Variants in C5orf22 observed in about 807,000 individuals in gnomAD.
C5orf22 encodes chromosome 5 open reading frame 22.
A neutral mutation model predicts 48.7 loss-of-function variants in C5orf22; 36 were observed. The ratio of observed to expected loss-of-function variants is 0.74; its 90% CI spans 0.57 to 0.98. C5orf22 has a LOEUF of 0.98. Ranked by LOEUF, C5orf22 falls within the 50% of genes least tolerant of loss-of-function variation. The pLI is 0.00. For synonymous variants in C5orf22, 141 were observed against 180.8 expected (o/e 0.78, Z 1.76); for missense variants, 486 against 521.9 (o/e 0.93, Z 0.67).
chr5:31,543,817 A>T (rs1742628522), intron 6 of C5orf22, among the ~76,000 whole-genome samples: 1 of 152,164 alleles, frequency 6.6e-6, no homozygotes, highest in African/African-American at 2.4e-5. Context: ...CAGCCCACAG[A>T]CTTCCACTGA....
intron 5 of C5orf22, 120 bp from the exon 6 acceptor site, chr5:31,541,159 GCC>G: frequency 9.4e-7 from 1 of 1,062,916 alleles, no homozygotes; most frequent in South Asian, 1.5e-5. Flanking sequence ...TATTGGCGAA[GCC>G]CATGGTTAGT....
At chr5:31,547,953 T>C (rs1441100030) in intron 7 of C5orf22, among the ~76,000 whole-genome samples, 2 of 152,218 alleles carry the variant, frequency 1.3e-5, no homozygotes, top group Non-Finnish European at 2.9e-5. Context: ...TTCTTTTCTT[T>C]AACATTGTCA....
intron 6 of C5orf22, 112 bp from the exon 7 acceptor site, chr5:31,545,534 T>C: frequency 1.3e-6 from 1 of 747,464 alleles, no homozygotes; most frequent in South Asian, 1.6e-5. Flanking sequence ...ATTTCCCAAG[T>C]GCCATATGAA....
In C5orf22 at chr5:31,553,452, C is replaced by T. The variant is rs1426180517; in HGVS notation, c.*550C>T. 1 of 151,202 alleles carries T rather than the reference C, an allele frequency of 6.6e-6. No individual in the cohort carries two copies. The highest frequency in any genetic ancestry group is 1.9e-4 in the East Asian group (1 of 5,176). The allele number at this position is 151,202 out of a possible 1,614,324, so 9.4% of individuals were successfully genotyped here. A position where few individuals can be genotyped will look rare whatever the true frequency, so the allele number is the denominator to read the frequency against. On this transcript the variant is annotated 3_prime_UTR_variant, in exon 9 of 9. Transcript: ENST00000325366. The stretch of plus-strand genomic sequence containing the variant: ...CATGGCTTTATAGGAAAGTAACATT[C>T]TCTATCTTTTTTTTTTTTTTTAATT...
chr5:31,536,853 T>C (rs766912453), intron 3 of C5orf22, among the ~76,000 whole-genome samples: 8 of 152,216 alleles, frequency 5.3e-5, no homozygotes, highest in Non-Finnish European at 1.0e-4. Flanking sequence ...TTAAACAGTA[T>C]AGCCATAACT....
intron 1 of C5orf22, among the ~76,000 whole-genome samples, chr5:31,532,682 A>G (rs17409893): frequency 0.26 from 39,463 of 151,866 alleles, 5,528 homozygotes; most frequent in South Asian, 0.35. Context: ...GAGTCGGGGC[A>G]ACTTATTTAC....
At chr5:31,534,668 G>A (rs1741967017) in intron 2 of C5orf22, 1 of 427,316 alleles carries the variant, frequency 2.3e-6, no homozygotes, top group Non-Finnish European at 4.2e-6. Context: ...TAGTGTGAAA[G>A]CAATCACAAG....
rs1741940376 is a variant in C5orf22 at position 31,534,268 on chromosome 5, A to G, written c.82-4A>G. The G allele has an allele frequency of 6.2e-7, 1 of 1,605,998 alleles. No homozygotes were observed. The highest frequency in any genetic ancestry group is 8.5e-7 in the Non-Finnish European group (1 of 1,177,540). On this transcript the variant is annotated splice_region_variant and splice_polypyrimidine_tract_variant and intron_variant, in intron 1 of 8. Transcript: ENST00000325366. ...TTCTTATTGTGTGCCTGTGTCTTTT[A>G]CAGGTTCTACCCTTTATATACCGGG...
chr5:31,535,981 C>T, intron 3 of C5orf22, 88 bp downstream of exon 3: 2 of 1,316,842 alleles, frequency 1.5e-6, no homozygotes, highest in Non-Finnish European at 2.1e-6. Flanking sequence ...AGTCTCTGCA[C>T]ACAAATAGGG....
rs1561314002 is a variant in C5orf22, at chr5:31,532,525, C to T, written c.81+52C>T. 11 of 1,503,698 alleles carry T rather than the reference C, an allele frequency of 7.3e-6. No individual in the cohort carries two copies. The Middle Eastern group carries it at 1.4e-3, about 190-fold the overall frequency. 93.1% of individuals were successfully genotyped at this position (1,503,698 alleles called of 1,614,324 possible). ...GGCAGAATCAGCGGAAGCCCTGACG[C>T]TCAGAGGGCCAAGCAGAGGGCGCAA... On this transcript the variant is annotated intron_variant, in intron 1 of 8. Transcript: ENST00000325366.
intron 7 of C5orf22, among the ~76,000 whole-genome samples, chr5:31,547,591 T>G (rs1742975527): frequency 6.6e-6 from 1 of 152,218 alleles, no homozygotes; most frequent in South Asian, 2.1e-4. Flanking sequence ...AAACCTCAAT[T>G]CTTGACTTCT....
At chr5:31,533,866 C>G (rs192902569) in intron 1 of C5orf22, among the ~76,000 whole-genome samples, 4 of 152,262 alleles carry the variant, frequency 2.6e-5, no homozygotes, top group Admixed American at 2.6e-4. Context: ...CACACCACTG[C>G]TTTCCAGGCT....
At chr5:31,543,397 G>T (rs1268303510) in intron 6 of C5orf22, among the ~76,000 whole-genome samples, 1 of 152,018 alleles carries the variant, frequency 6.6e-6, no homozygotes, top group East Asian at 1.9e-4. Flanking sequence ...GTGAAATCCT[G>T]TCTCTACAAA....
chr5:31,545,851 G>T lies in C5orf22; in HGVS notation c.1059+139G>T, dbSNP rs964199775. ...TGAAACAATTATTAAGAAAAGAAAT[G>T]AGTGAAAAAAATACATACGTTGAAA... On this transcript the variant is annotated intron_variant, in intron 7 of 8. Transcript: ENST00000325366. The T allele has an allele frequency of 2.4e-5, 14 of 573,372 alleles. No individual in the cohort carries two copies. The African/African-American group carries it at 2.7e-4, about 11-fold the overall frequency. 35.5% of individuals were successfully genotyped at this position (573,372 alleles called of 1,614,324 possible).
At position 31,540,251 on chromosome 5, in the gene C5orf22, A is replaced by G. The variant is rs1338723575; in HGVS notation, c.808-698A>G. Among the ~76,000 whole-genome samples, 4 of 152,220 alleles carry G rather than the reference A, an allele frequency of 2.6e-5. No homozygotes were observed. The East Asian group carries it at 5.8e-4, about 22-fold the overall frequency. On this transcript the variant is annotated intron_variant, in intron 4 of 8. Coordinates refer to ENST00000325366, the MANE Select transcript of C5orf22 (RefSeq NM_018356.3). ...GAAGATATGCCACAACATTGTGCTT[A>G]ATGAATTTTAGCCCTTGGGTATAAC...
In C5orf22 at chr5:31,534,325, T is replaced by A. The variant is rs768335741; in HGVS notation, c.135T>A (p.Asn45Lys). 6 of 1,613,930 alleles carry A rather than the reference T, an allele frequency of 3.7e-6. No homozygotes were observed. The highest frequency in any genetic ancestry group is 4.2e-6 in the Non-Finnish European group (5 of 1,179,802). The change falls in exon 2 of 9, where the codon AAT becomes AAA. Residue 45 changes from asparagine (N) to lysine (K), a missense_variant. This residue lies in a region of C5orf22 where 74 missense variants were observed against 61.2 expected (regional missense o/e 1.21). Coordinates refer to ENST00000325366, the MANE Select transcript of C5orf22 (RefSeq NM_018356.3). ...GCTCAAAGCATCTTCCTGCCAGTAATGTAAGTTTTTTACATTTCGACTCAC... is the reference window on the plus strand; with the variant it reads ...GCTCAAAGCATCTTCCTGCCAGTAAAGTAAGTTTTTTACATTTCGACTCAC... The part of the protein sequence containing the change: ...AIGSKHLPAS[N>K]VSFLHFDSHP...
At chr5:31,542,921 AGTACT>A (rs1742562478) in intron 6 of C5orf22, among the ~76,000 whole-genome samples, 1 of 152,234 alleles carries the variant, frequency 6.6e-6, no homozygotes, top group Non-Finnish European at 1.5e-5. Flanking sequence ...TAGAATCAAT[AGTACT>A]TTAGGCCAGA....
intron 2 of C5orf22, chr5:31,535,167 G>A (rs904067770): frequency 2.8e-5 from 10 of 355,672 alleles, no homozygotes; most frequent in African/African-American, 2.2e-4. Context: ...TATTTGAAAT[G>A]TAGAATTCAG....
intron 6 of C5orf22, among the ~76,000 whole-genome samples, chr5:31,543,522 A>T (rs1225996736): frequency 6.6e-6 from 1 of 152,120 alleles, no homozygotes; most frequent in South Asian, 2.1e-4. Context: ...GTGAGCTGAG[A>T]TCGCACCACT....
Sources: allele counts gnomAD v4.1 joint callset (sites outside exome capture counted in the v4.1 genomes callset), GRCh38; gene constraint gnomAD v4.1.1; regional missense constraint gnomAD v4.1.1; transcripts MANE v1.5; gene names NCBI Gene and HGNC (gene_info 2026-07-23, HGNC 2026-07-21).